The following AGL variants were observed in gnomAD, a reference collection of about 807,000 sequenced individuals.
AGL encodes glycogen debranching enzyme.
In AGL, 128 loss-of-function variants were observed where a neutral mutation model predicts 199.3. The ratio of observed to expected loss-of-function variants is 0.64; its 90% CI spans 0.56 to 0.74. The LOEUF (loss-of-function observed/expected upper bound fraction) is 0.74, where lower values mean the gene tolerates loss of function less well. Ranked by LOEUF, AGL falls within the 30% of genes least tolerant of loss-of-function variation. The pLI is 0.00. For missense variants in AGL, 1,809 were observed against 1,820.8 expected (o/e 0.99, Z 0.12); for synonymous variants, 584 against 594.7 (o/e 0.98, Z 0.26).
chr1:99,864,300 A>G, intron 4 of AGL, 86 bp from the exon 5 acceptor site: 1 of 1,253,910 alleles, frequency 8.0e-7, no homozygotes. Context: ...TAATTACTTA[A>G]GAAAGTTTAA....
At position 99,916,517 on chromosome 1, in the gene AGL, T is replaced by TTA; in HGVS notation, c.4347+20_4347+21insTA. On this transcript the variant is annotated intron_variant, in intron 32 of 33. Coordinates refer to ENST00000361915, the MANE Select transcript of AGL (RefSeq NM_000642.3). Reference sequence around the variant, plus strand: ...GGACCTGTAAGAATTTCATTTATCTTCTGAGTTTCAGTTTAAATTATTTTT... The same window carrying TTA: ...GGACCTGTAAGAATTTCATTTATCTTTACTGAGTTTCAGTTTAAATTATTTTT... 3 of 1,606,496 alleles carry TTA rather than the reference T, an allele frequency of 1.9e-6. No homozygotes were observed. The highest frequency in any genetic ancestry group is 2.6e-6 in the Non-Finnish European group (3 of 1,174,026).
At chr1:99,878,420 T>C (rs1254263231) in intron 12 of AGL, among the ~76,000 whole-genome samples, 1 of 152,036 alleles carries the variant, frequency 6.6e-6, no homozygotes, top group Non-Finnish European at 1.5e-5. Flanking sequence ...TCTAGCCTCA[T>C]CGATTTAATT....
In AGL at chr1:99,912,527, T is replaced by G; in HGVS notation, c.3949+10T>G. ...ACAGTAAAAAGACATGGTAAGCTGG[T>G]TATTTTATTTACAAAGAACCTTCAA... On this transcript the variant is annotated intron_variant, in intron 29 of 33. Transcript: ENST00000361915. 1 of 1,572,626 alleles carries G rather than the reference T, an allele frequency of 6.4e-7. No homozygotes were observed. The highest frequency in any genetic ancestry group is 8.8e-7 in the Non-Finnish European group (1 of 1,142,748).
intron 25 of AGL, among the ~76,000 whole-genome samples, chr1:99,899,596 C>T (rs1298111546): frequency 3.1e-5 from 4 of 127,552 alleles, no homozygotes; most frequent in South Asian, 3.0e-4. Context: ...TTCCTTCCTT[C>T]CTTTCTTTCT....
chr1:99,849,571 A>G (rs1648749558), upstream of AGL, among the ~76,000 whole-genome samples: 2 of 151,970 alleles, frequency 1.3e-5, no homozygotes, highest in Admixed American at 1.3e-4. Flanking sequence ...TGCACTCTCG[A>G]TGGTTTGCAG....
At chr1:99,857,407 G>T (rs1413034945) in intron 2 of AGL, among the ~76,000 whole-genome samples, 16 of 151,934 alleles carry the variant, frequency 1.1e-4, no homozygotes. Flanking sequence ...TCCCAGACGG[G>T]GTGGCGGCCG....
chr1:99,918,418 G>A lies in AGL; in HGVS notation c.4481+1687G>A, dbSNP rs1369406529. On this transcript the variant is annotated intron_variant, in intron 33 of 33. Coordinates refer to ENST00000361915, the MANE Select transcript of AGL (RefSeq NM_000642.3). ...TATCCTTGTCTGCTAATTCATTTCT[G>A]GGTTGCTTTTGCTTGTGATTGTTCT... 5.3e-5 allele frequency among the ~76,000 whole-genome samples: 8 copies of A among 152,140 alleles called. No homozygotes were observed. In the East Asian group the frequency reaches 1.5e-3, roughly 29 times the overall value.
intron 2 of AGL, among the ~76,000 whole-genome samples, chr1:99,856,342 C>A (rs111508077): frequency 5.6e-5 from 5 of 88,978 alleles, no homozygotes; most frequent in Admixed American, 2.2e-4. Context: ...CTCCCTCCCT[C>A]CCTCCCTCCC....
At chr1:99,895,890 G>A (rs1653263180) in intron 24 of AGL, among the ~76,000 whole-genome samples, 1 of 152,182 alleles carries the variant, frequency 6.6e-6, no homozygotes, top group Non-Finnish European at 1.5e-5. Context: ...GTGGGAGGAT[G>A]GCTTGAGCCT....
intron 13 of AGL, among the ~76,000 whole-genome samples, chr1:99,880,286 TAACAA>T (rs1651905928): frequency 1.3e-5 from 2 of 152,232 alleles, no homozygotes; most frequent in Non-Finnish European, 1.5e-5. Context: ...GAAGACTCAC[TAACAA>T]AACCATTTTT....
Position 99,923,535 on chromosome 1 carries a change from G to A in AGL, c.*1884G>A, listed in dbSNP as rs1655654774. 6.6e-6 allele frequency: 1 copy of A among 152,104 alleles called. No homozygotes were observed. The highest frequency in any genetic ancestry group is 2.4e-5 in the African/African-American group (1 of 41,434). 9.4% of individuals were successfully genotyped at this position (152,104 alleles called of 1,614,324 possible). On this transcript the variant is annotated 3_prime_UTR_variant, in exon 34 of 34. Coordinates refer to ENST00000361915, the MANE Select transcript of AGL (RefSeq NM_000642.3). ...TGGTAAATTTTTAGGATATTGTGTT[G>A]CACTAGAAAACTAAGTGGTTCATAT...
Position 99,902,813 on chromosome 1 carries a change from A to C in AGL, c.3700+19A>C, listed in dbSNP as rs1235433863. The C allele has an allele frequency of 6.4e-7, 1 of 1,557,152 alleles. No individual in the cohort carries two copies. The highest frequency in any genetic ancestry group is 1.4e-5 in the African/African-American group (1 of 73,842). On this transcript the variant is annotated intron_variant, in intron 27 of 33. Coordinates refer to ENST00000361915, the MANE Select transcript of AGL (RefSeq NM_000642.3). ...GACGAAGGTACAGAACTTTAACTAA[A>C]ATAGTACAAATTTATCAAGGTGATG... is the stretch of plus-strand genomic sequence containing the variant.
chr1:99,880,559 T>C (rs1316633346), intron 13 of AGL, 73 bp from the exon 14 acceptor site: 5 of 1,500,984 alleles, frequency 3.3e-6, no homozygotes. Flanking sequence ...GAAAATCATT[T>C]ATGAGAAGAA....
At chr1:99,895,281 CT>C (rs1653210776) in intron 24 of AGL, among the ~76,000 whole-genome samples, 1 of 152,038 alleles carries the variant, frequency 6.6e-6, no homozygotes, top group African/African-American at 2.4e-5. Context: ...AATTCCTGAC[CT>C]TACTGTTTTA....
At chr1:99,890,794 C>A (rs1172245178) in intron 21 of AGL, among the ~76,000 whole-genome samples, 2 of 152,090 alleles carry the variant, frequency 1.3e-5, no homozygotes, top group Non-Finnish European at 2.9e-5. Context: ...TCTATGACTT[C>A]CTTAAATCTA....
At chr1:99,878,984 G>A (rs897538709) in intron 12 of AGL, among the ~76,000 whole-genome samples, 2 of 152,122 alleles carry the variant, frequency 1.3e-5, no homozygotes, top group Non-Finnish European at 2.9e-5. Flanking sequence ...AGAGTTTCAA[G>A]TATTTTATTA....
chr1:99,849,840 T>C (rs1465908547), upstream of AGL, among the ~76,000 whole-genome samples: 2 of 152,142 alleles, frequency 1.3e-5, no homozygotes, highest in Non-Finnish European at 2.9e-5. Flanking sequence ...CAGCAAAAGA[T>C]CCTACTGTGC....
rs144514496 is a variant in AGL, at chr1:99,897,230, C to T, written c.3362+842C>T. ...CATTCCACACATCAGTAGTGTCACCCTCACCTGAGAGCTTGTTAGAAATGC... is the reference window on the plus strand; with the variant it reads ...CATTCCACACATCAGTAGTGTCACCTTCACCTGAGAGCTTGTTAGAAATGC... On this transcript the variant is annotated intron_variant, in intron 25 of 33. Coordinates refer to ENST00000361915, the MANE Select transcript of AGL (RefSeq NM_000642.3). Among the ~76,000 whole-genome samples, 95 of 152,296 alleles carry T rather than the reference C, an allele frequency of 6.2e-4. 1 individual carries two copies. The highest frequency in any genetic ancestry group is 3.4e-3 in the Middle Eastern group (1 of 294).
Position 99,863,261 on chromosome 1 carries a change from C to A in AGL, c.460+838C>A, listed in dbSNP as rs961765064. 6.6e-5 allele frequency among the ~76,000 whole-genome samples: 10 copies of A among 151,876 alleles called. No individual in the cohort carries two copies. In the South Asian group the frequency reaches 1.0e-3, roughly 16 times the overall value. ...CCCATATTACATTTTTGATACTTAA[C>A]CATTTTTAACCTATAAAAATGGCAA... On this transcript the variant is annotated intron_variant, in intron 4 of 33. Coordinates refer to ENST00000361915, the MANE Select transcript of AGL (RefSeq NM_000642.3).
Sources: gnomAD v4.1 joint callset for allele counts (sites outside exome capture counted in the v4.1 genomes callset) on GRCh38, gnomAD v4.1.1 for gene constraint, MANE v1.5 for transcripts, NCBI Gene and HGNC (gene_info 2026-07-23, HGNC 2026-07-21) for gene names.